Variants in TXNL4A observed in about 807,000 individuals in gnomAD.
TXNL4A encodes thioredoxin-like protein 4A.
Under a neutral mutation model 14.6 loss-of-function variants are expected in TXNL4A, and 17 were observed. That is an observed-to-expected ratio of 1.16 (90% CI 0.80 to 1.74). The LOEUF is 1.74. Among genes scored for constraint, TXNL4A ranks in the 40% most tolerant of loss-of-function variants. The probability of loss-of-function intolerance (pLI) is 0.00; values close to 1 mark genes in which losing one functional copy is unlikely to be tolerated. For missense variants in TXNL4A, 74 were observed against 195.2 expected (o/e 0.38, Z 3.70); for synonymous variants, 83 against 70.6 (o/e 1.18, Z -0.88).
chr18:80,009,185 T>C (rs886651416), intron 1 of TXNL4A, among the ~76,000 whole-genome samples: 2 of 152,048 alleles, frequency 1.3e-5, no homozygotes, highest in African/African-American at 4.8e-5. Context: ...AAGTAATACT[T>C]TTTTTTTGTA....
chr18:80,033,087 G>C (rs2051934304), intron 1 of TXNL4A, among the ~76,000 whole-genome samples: 1 of 152,092 alleles, frequency 6.6e-6, no homozygotes, highest in Non-Finnish European at 1.5e-5. Flanking sequence ...CCTGTCTCCT[G>C]GGTGCGTCCT....
At chr18:80,004,422 G>A (rs1158375729) in intron 1 of TXNL4A, among the ~76,000 whole-genome samples, 1 of 152,198 alleles carries the variant, frequency 6.6e-6, no homozygotes, top group Non-Finnish European at 1.5e-5. Context: ...GAAGGGGGCT[G>A]CATCTCTCAA....
intron 1 of TXNL4A, among the ~76,000 whole-genome samples, chr18:79,979,155 C>G (rs1328362031): frequency 6.6e-6 from 1 of 151,906 alleles, no homozygotes; most frequent in East Asian, 1.9e-4. Context: ...CCAGGCTGAT[C>G]TCGAACTCCT....
intron 1 of TXNL4A, among the ~76,000 whole-genome samples, chr18:79,984,565 A>T (rs1016261430): frequency 3.9e-5 from 6 of 152,234 alleles, no homozygotes; most frequent in Admixed American, 3.3e-4. Flanking sequence ...CTCTTGTCTC[A>T]AACAAACAAA....
At chr18:80,001,554 C>T (rs1385896808) in intron 1 of TXNL4A, among the ~76,000 whole-genome samples, 1 of 152,188 alleles carries the variant, frequency 6.6e-6, no homozygotes, top group East Asian at 1.9e-4. Context: ...TGGGGTATAC[C>T]CTGCAAAGCC....
chr18:80,002,481 A>C (rs1027003775), intron 1 of TXNL4A, among the ~76,000 whole-genome samples: 2 of 152,230 alleles, frequency 1.3e-5, no homozygotes, highest in African/African-American at 4.8e-5. Context: ...TATAGAGTCC[A>C]AACTCATGTA....
intron 1 of TXNL4A, 54 bp downstream of exon 1, chr18:79,988,186 C>A: frequency 2.8e-6 from 4 of 1,421,000 alleles, no homozygotes. Context: ...AGGGCAGAGG[C>A]GCGGGGCAGA....
intron 1 of TXNL4A, among the ~76,000 whole-genome samples, chr18:79,996,941 T>C (rs576301165): frequency 2.6e-5 from 4 of 152,074 alleles, no homozygotes; most frequent in Non-Finnish European, 5.9e-5. Context: ...AGACTCCATC[T>C]CACAAAGAAA....
rs978063899 is a variant in TXNL4A at position 79,972,133 on chromosome 18, C to T, written c.*1552G>A. 1.3e-5 allele frequency: 2 copies of T among 152,302 alleles called. No homozygotes were observed. Among genetic ancestry groups the T allele is most frequent in the Non-Finnish European group, 2.9e-5 (2 of 68,086 alleles). The allele number at this position is 152,302 out of a possible 1,614,324, so 9.4% of individuals were successfully genotyped here. A position where few individuals can be genotyped will look rare whatever the true frequency, so the allele number is the denominator to read the frequency against. On this transcript the variant is annotated 3_prime_UTR_variant, in exon 3 of 3. Transcript: ENST00000269601. Reference sequence around the variant, plus strand: ...GTTTCCACAACAGCAATCAATCTCCCGACAGCAGCGAGCCCTGTGCACCAC... The same window carrying T: ...GTTTCCACAACAGCAATCAATCTCCTGACAGCAGCGAGCCCTGTGCACCAC...
chr18:79,986,838 C>T (rs2051556925), intron 1 of TXNL4A: 1 of 913,558 alleles, frequency 1.1e-6, no homozygotes. Flanking sequence ...TGCTCTTAGT[C>T]AATTCTTCGC....
intron 1 of TXNL4A, among the ~76,000 whole-genome samples, chr18:80,014,798 T>C (rs977392644): frequency 7.2e-5 from 11 of 152,246 alleles, no homozygotes; most frequent in African/African-American, 2.7e-4. Context: ...TGCACCACCC[T>C]AGCAGAGGTT....
intron 1 of TXNL4A, among the ~76,000 whole-genome samples, chr18:79,998,620 CAGT>C (rs1440413828): frequency 6.7e-6 from 1 of 149,412 alleles, no homozygotes; most frequent in Non-Finnish European, 1.5e-5. Context: ...TGTGTGAGAG[CAGT>C]AGCAACCATG....
At position 79,973,551 on chromosome 18, in the gene TXNL4A, A is replaced by T. The variant is rs1173302829; in HGVS notation, c.*134T>A. The T allele has an allele frequency of 6.8e-6, 8 of 1,172,700 alleles. No homozygotes were observed. The highest frequency in any genetic ancestry group is 9.4e-6 in the Non-Finnish European group (8 of 852,284). The allele number at this position is 1,172,700 out of a possible 1,614,324, so 72.6% of individuals were successfully genotyped here. A position where few individuals can be genotyped will look rare whatever the true frequency, so the allele number is the denominator to read the frequency against. ...TGCTTGTTTATTTCGGTGAGTTAAGACCATGTTATCAATTCCATCTCAGAG... is the reference window on the plus strand; with the variant it reads ...TGCTTGTTTATTTCGGTGAGTTAAGTCCATGTTATCAATTCCATCTCAGAG... On this transcript the variant is annotated 3_prime_UTR_variant, in exon 3 of 3. Coordinates refer to ENST00000269601, the MANE Select transcript of TXNL4A (RefSeq NM_006701.5).
chr18:80,006,720 T>G (rs1052488844), intron 1 of TXNL4A, among the ~76,000 whole-genome samples: 3 of 152,226 alleles, frequency 2.0e-5, no homozygotes, highest in African/African-American at 7.2e-5. Context: ...AAGAGAAAAG[T>G]TCCCTTGTGC....
chr18:80,022,555 C>T (rs934521869), intron 1 of TXNL4A, among the ~76,000 whole-genome samples: 4 of 152,194 alleles, frequency 2.6e-5, no homozygotes, highest in African/African-American at 7.2e-5. Context: ...AATAAGGCCA[C>T]GCCCTTGTGT....
chr18:79,999,002 G>A (rs4020404), intron 1 of TXNL4A, among the ~76,000 whole-genome samples: 13 of 152,040 alleles, frequency 8.6e-5, no homozygotes, highest in African/African-American at 1.5e-4. Context: ...GATATGCTGT[G>A]GTTTCCTTAC....
chr18:79,981,521 A>G (rs1459959132), intron 1 of TXNL4A, among the ~76,000 whole-genome samples: 1 of 151,690 alleles, frequency 6.6e-6, no homozygotes, highest in African/African-American at 2.4e-5. Flanking sequence ...AAAACACAAA[A>G]ATTAGCTGGG....
At chr18:79,998,681 T>C (rs1276361877) in intron 1 of TXNL4A, among the ~76,000 whole-genome samples, 1 of 149,306 alleles carries the variant, frequency 6.7e-6, no homozygotes, top group African/African-American at 2.5e-5. Context: ...GTTCCCCCCT[T>C]ACCATTTCTG....
intron 1 of TXNL4A, among the ~76,000 whole-genome samples, chr18:79,998,947 C>T (rs953312847): frequency 2.3e-4 from 35 of 152,164 alleles, no homozygotes; most frequent in Non-Finnish European, 1.2e-4. Context: ...GAATGGTATA[C>T]GGATGGGTCT....
Sources: allele counts gnomAD v4.1 joint callset (sites outside exome capture counted in the v4.1 genomes callset), GRCh38; gene constraint gnomAD v4.1.1; transcripts MANE v1.5; gene names NCBI Gene and HGNC (gene_info 2026-07-23, HGNC 2026-07-21).